The following ERG variants were observed in gnomAD, a reference collection of about 807,000 sequenced individuals.
ERG encodes the protein ETS transcription factor ERG, also known as transcriptional regulator ERG.
A neutral mutation model predicts 55.3 loss-of-function variants in ERG; 9 were observed. That is an observed-to-expected ratio of 0.16 (90% CI 0.10 to 0.28). ERG has a LOEUF of 0.28. ERG is among the 10% of genes least tolerant of loss of function. The pLI is 1.00. For synonymous variants in ERG, 223 were observed against 237.3 expected, an observed-to-expected ratio of 0.94 and a Z score of 0.55; for missense variants, 434 against 631.6, an observed-to-expected ratio of 0.69 and a Z score of 3.35.
intron 2 of ERG, chr21:38,575,627 G>A (rs569504533): frequency 6.5e-7 from 1 of 1,528,954 alleles, no homozygotes; most frequent in African/African-American, 1.4e-5. Flanking sequence ...CACAGAGGAA[G>A]GCAGAGCTGG....
At chr21:38,400,515 C>T (rs1988437216) in intron 6 of ERG, 59 bp downstream of exon 6, 1 of 1,364,306 alleles carries the variant, frequency 7.3e-7, no homozygotes, top group Non-Finnish European at 1.1e-6. Context: ...GGGCACGGAT[C>T]TCAGCAGGAC....
intron 2 of ERG, among the ~76,000 whole-genome samples, chr21:38,429,857 G>T (rs1346209649): frequency 1.3e-5 from 2 of 152,104 alleles, no homozygotes. Flanking sequence ...ACATGCATGC[G>T]CAAGTGTCTT....
intron 1 of ERG, among the ~76,000 whole-genome samples, chr21:38,476,906 G>C (rs995859464): frequency 6.6e-6 from 1 of 151,970 alleles, no homozygotes; most frequent in Non-Finnish European, 1.5e-5. Context: ...AAAATCACCA[G>C]GTTTAGGGGA....
At chr21:38,491,465 C>A (rs925605932) in intron 1 of ERG, among the ~76,000 whole-genome samples, 1 of 152,124 alleles carries the variant, frequency 6.6e-6, no homozygotes, top group Non-Finnish European at 1.5e-5. Context: ...TGCAAGAGTG[C>A]GGGATCTTTG....
At chr21:38,565,944 G>A (rs568203825) in intron 2 of ERG, among the ~76,000 whole-genome samples, 1 of 152,274 alleles carries the variant, frequency 6.6e-6, no homozygotes, top group South Asian at 2.1e-4. Flanking sequence ...AACGTAACTT[G>A]TTGATAAGTG....
At chr21:38,449,304 A>C (rs1317575013) in intron 1 of ERG, among the ~76,000 whole-genome samples, 3 of 152,198 alleles carry the variant, frequency 2.0e-5, no homozygotes, top group Non-Finnish European at 4.4e-5. Flanking sequence ...CCATCAGGCA[A>C]ATGGCAGGCT....
upstream of ERG, among the ~76,000 whole-genome samples, chr21:38,585,463 T>C (rs1451825306): frequency 6.9e-6 from 1 of 145,458 alleles, no homozygotes; most frequent in Non-Finnish European, 1.5e-5. Context: ...GCTAAAAAGA[T>C]AGAAAGAAAA....
intron 2 of ERG, among the ~76,000 whole-genome samples, chr21:38,503,672 G>T (rs1601150090): frequency 2.0e-5 from 3 of 152,202 alleles, no homozygotes; most frequent in Non-Finnish European, 2.9e-5. Context: ...TTGTCCTTAA[G>T]ATGACACATG....
At chr21:38,566,157 C>T (rs2059921469) in intron 2 of ERG, among the ~76,000 whole-genome samples, 1 of 152,146 alleles carries the variant, frequency 6.6e-6, no homozygotes, top group African/African-American at 2.4e-5. Flanking sequence ...CATACCAATA[C>T]ACCATGGGAT....
chr21:38,382,684 C>T lies in ERG; in HGVS notation c.*719G>A. On this transcript the variant is annotated 3_prime_UTR_variant, in exon 10 of 10. Coordinates refer to ENST00000288319, the MANE Select transcript of ERG (RefSeq NM_182918.4). Reference sequence around the variant, plus strand: ...GCCCTGGTCTCCTCCTTCTCTGCCTCTTCCTCCTCCTTCTTCACCCCTCTG... The same window carrying T: ...GCCCTGGTCTCCTCCTTCTCTGCCTTTTCCTCCTCCTTCTTCACCCCTCTG... The T allele has an allele frequency of 9.4e-7, 1 of 1,067,178 alleles. No individual in the cohort carries two copies. The highest frequency in any genetic ancestry group is 1.1e-6 in the Non-Finnish European group (1 of 880,184). The allele number at this position is 1,067,178 out of a possible 1,614,324, so 66.1% of individuals were successfully genotyped here. A position where few individuals can be genotyped will look rare whatever the true frequency, so the allele number is the denominator to read the frequency against.
At chr21:38,625,587 G>T (rs2060319524) in intron 1 of ERG, among the ~76,000 whole-genome samples, 1 of 152,092 alleles carries the variant, frequency 6.6e-6, no homozygotes, top group African/African-American at 2.4e-5. Flanking sequence ...GCCTTAAATT[G>T]CAGGAAGCCA....
At chr21:38,406,603 C>T (rs745969408) in intron 3 of ERG, among the ~76,000 whole-genome samples, 2 of 152,028 alleles carry the variant, frequency 1.3e-5, no homozygotes, top group African/African-American at 4.8e-5. Context: ...TTGATGTTAG[C>T]GAAACCCACC....
chr21:38,389,503 T>C (rs925578876), intron 9 of ERG, among the ~76,000 whole-genome samples: 3 of 151,950 alleles, frequency 2.0e-5, no homozygotes, highest in Non-Finnish European at 4.4e-5. Flanking sequence ...AGATCAGTCT[T>C]CCTGAAGCAT....
chr21:38,504,748 C>T (rs1382619166), intron 2 of ERG, among the ~76,000 whole-genome samples: 1 of 152,220 alleles, frequency 6.6e-6, no homozygotes, highest in Non-Finnish European at 1.5e-5. Context: ...CAGGTACTGT[C>T]CCCTGTCACC....
chr21:38,445,572 T>C lies in ERG; in HGVS notation c.68A>G (p.Tyr23Cys). Residue 23 changes from tyrosine to cysteine, a missense_variant, in exon 2 of 10, where the codon TAC (tyrosine) becomes TGC (cysteine). Physicochemically the swap from Tyr to Cys is radical, Grantham distance 194. Coordinates refer to ENST00000288319, the MANE Select transcript of ERG (RefSeq NM_182918.4). ...TGTCTTAGCCAGGTGTGGCGTTCCG[T>C]AGGCACACTCAAACAACGACTGGTC... ...SEDQSLFECAYGTPHLAKTEM... is the reference protein window; with the variant it reads ...SEDQSLFECACGTPHLAKTEM... 2 of 1,614,078 alleles carry C rather than the reference T, an allele frequency of 1.2e-6. No homozygotes were observed. Among genetic ancestry groups the C allele is most frequent in the Non-Finnish European group, 1.7e-6 (2 of 1,180,038 alleles).
intron 2 of ERG, among the ~76,000 whole-genome samples, chr21:38,438,599 A>C (rs891962719): frequency 6.6e-6 from 1 of 152,202 alleles, no homozygotes; most frequent in African/African-American, 2.4e-5. Flanking sequence ...CATGCAATGA[A>C]TCTATCCCAG....
intron 1 of ERG, among the ~76,000 whole-genome samples, chr21:38,576,158 C>T (rs2059993241): frequency 1.3e-5 from 2 of 152,242 alleles, no homozygotes; most frequent in Admixed American, 1.3e-4. Context: ...CTCATGCGAT[C>T]TGCACATCCT....
At chr21:38,489,804 T>C (rs2059319355) in intron 1 of ERG, among the ~76,000 whole-genome samples, 2 of 152,332 alleles carry the variant, frequency 1.3e-5, no homozygotes, top group Admixed American at 6.5e-5. Context: ...AGAGAAGTGA[T>C]TGTCTAGGAG....
At chr21:38,431,271 G>A (rs1392295107) in intron 2 of ERG, among the ~76,000 whole-genome samples, 2 of 152,178 alleles carry the variant, frequency 1.3e-5, no homozygotes, top group South Asian at 4.1e-4. Flanking sequence ...GCTGGAAGAA[G>A]CCCCATTTTC....
Sources: gnomAD v4.1 joint callset for allele counts (sites outside exome capture counted in the v4.1 genomes callset) on GRCh38, gnomAD v4.1.1 for gene constraint, MANE v1.5 for transcripts, NCBI Gene and HGNC (gene_info 2026-07-23, HGNC 2026-07-21) for gene names.